IQCM: variants seen among roughly 807,000 people sequenced by gnomAD.
The protein encoded by IQCM is IQ motif containing M, also known as IQ domain-containing protein M.
IQCM carries 45 observed loss-of-function variants against 57.6 expected under a neutral mutation model. That is an observed-to-expected ratio of 0.78 (90% CI 0.62 to 1.00). IQCM has a LOEUF of 1.00. IQCM is among the 50% of genes least tolerant of loss of function. The pLI, the probability that IQCM is intolerant of heterozygous loss-of-function variation, is 0.00. For synonymous variants in IQCM, 148 were observed against 158.9 expected (o/e 0.93, Z 0.51); for missense variants, 468 against 511.6 (o/e 0.91, Z 0.82).
chr4:149,462,765 G>T (rs1738442123), intron 12 of IQCM, among the ~76,000 whole-genome samples: 1 of 152,164 alleles, frequency 6.6e-6, no homozygotes, highest in African/African-American at 2.4e-5. Flanking sequence ...TCAGAGCTGG[G>T]TTTACACCAC....
intron 12 of IQCM, among the ~76,000 whole-genome samples, chr4:149,504,248 A>T (rs1404695553): frequency 7.2e-5 from 11 of 152,334 alleles, no homozygotes; most frequent in African/African-American, 2.6e-4. Flanking sequence ...ATTTAAAAAA[A>T]CTTAAAAATG....
intron 9 of IQCM, among the ~76,000 whole-genome samples, chr4:149,586,138 T>C (rs970373123): frequency 9.9e-5 from 15 of 151,686 alleles, no homozygotes; most frequent in African/African-American, 3.6e-4. Context: ...GTAAAGAATA[T>C]TTCTAGGAAA....
At chr4:149,619,158 T>C (rs933661139) in intron 8 of IQCM, among the ~76,000 whole-genome samples, 4 of 145,300 alleles carry the variant, frequency 2.8e-5, no homozygotes, top group South Asian at 2.1e-4. Flanking sequence ...CTCAGTCATA[T>C]AAAAGAATGA....
intron 13 of IQCM, among the ~76,000 whole-genome samples, chr4:149,396,568 T>C (rs1732244161): frequency 6.6e-6 from 1 of 152,012 alleles, no homozygotes; most frequent in Non-Finnish European, 1.5e-5. Flanking sequence ...AAAAAATTAT[T>C]GGAAGAACAT....
intron 5 of IQCM, among the ~76,000 whole-genome samples, chr4:149,710,680 G>C (rs1344606831): frequency 6.6e-6 from 1 of 152,088 alleles, no homozygotes; most frequent in African/African-American, 2.4e-5. Context: ...TAAAATATCT[G>C]TATAACACTA....
chr4:149,682,158 T>TA lies in IQCM; in HGVS notation c.524dup (p.Leu175PhefsTer7). The TA allele has an allele frequency of 8.2e-7, 1 of 1,226,192 alleles. No individual in the cohort carries two copies. The highest frequency in any genetic ancestry group is 1.0e-6 in the Non-Finnish European group (1 of 983,064). 76.0% of individuals were successfully genotyped at this position (1,226,192 alleles called of 1,614,324 possible). A position where few individuals can be genotyped will look rare whatever the true frequency, so the allele number is the denominator to read the frequency against. ...GTTCCAAGTTAGAGGTCCCAGGTTG[T>TA]AAGTAAAGATGGACAGGAAAGGGAT... On this transcript the variant is annotated frameshift_variant, in exon 7 of 14. Coordinates refer to ENST00000636793, the MANE Select transcript of IQCM (RefSeq NM_001363507.2). LOFTEE classifies it high-confidence loss of function.
chr4:149,514,009 G>A (rs1223494576), intron 12 of IQCM, among the ~76,000 whole-genome samples: 2 of 151,912 alleles, frequency 1.3e-5, no homozygotes, highest in Non-Finnish European at 2.9e-5. Flanking sequence ...CATTTTCTAT[G>A]TTATGTTTGT....
At chr4:149,545,561 G>A (rs1334107900) in intron 12 of IQCM, among the ~76,000 whole-genome samples, 2 of 152,096 alleles carry the variant, frequency 1.3e-5, no homozygotes, top group Non-Finnish European at 2.9e-5. Context: ...AAGAGGTGGA[G>A]AAAATGGAAT....
intron 13 of IQCM, among the ~76,000 whole-genome samples, chr4:149,428,802 A>C (rs1459629286): frequency 6.6e-6 from 1 of 151,828 alleles, no homozygotes; most frequent in African/African-American, 2.4e-5. Context: ...AGGCCAAGAA[A>C]TCAGGTTCTA....
intron 7 of IQCM, among the ~76,000 whole-genome samples, chr4:149,622,899 T>C (rs747381344): frequency 6.6e-6 from 1 of 152,176 alleles, no homozygotes; most frequent in African/African-American, 2.4e-5. Flanking sequence ...CTTTCCAATC[T>C]CATTTTGAAT....
intron 12 of IQCM, among the ~76,000 whole-genome samples, chr4:149,484,717 A>G (rs151327340): frequency 1.5e-4 from 23 of 152,088 alleles, no homozygotes; most frequent in African/African-American, 5.3e-4. Context: ...TGGTATTTCT[A>G]CTTAAGACAA....
intron 9 of IQCM, among the ~76,000 whole-genome samples, chr4:149,568,939 A>G (rs956006996): frequency 6.6e-5 from 10 of 152,194 alleles, no homozygotes; most frequent in Admixed American, 1.3e-4. Context: ...CTACTCTAGG[A>G]CTATGAGCTG....
At chr4:149,364,643 C>A (rs1729711683) in intron 13 of IQCM, among the ~76,000 whole-genome samples, 1 of 151,718 alleles carries the variant, frequency 6.6e-6, no homozygotes. Context: ...TAAATGGGTA[C>A]CCAGTCACAG....
chr4:149,520,822 A>G (rs1283655246), intron 12 of IQCM, among the ~76,000 whole-genome samples: 2 of 152,064 alleles, frequency 1.3e-5, no homozygotes, highest in Non-Finnish European at 2.9e-5. Context: ...CTGTAGACAA[A>G]ATGCTTTCTA....
At chr4:149,790,873 C>T (rs983528192) in intron 2 of IQCM, among the ~76,000 whole-genome samples, 12 of 151,770 alleles carry the variant, frequency 7.9e-5, no homozygotes, top group Admixed American at 5.3e-4. Flanking sequence ...GTCTTTTTAA[C>T]AAATGTTTAC....
intron 2 of IQCM, among the ~76,000 whole-genome samples, chr4:149,789,481 A>C (rs1554041768): frequency 6.6e-6 from 1 of 152,128 alleles, no homozygotes; most frequent in Non-Finnish European, 1.5e-5. Context: ...TTAGCTTTTA[A>C]ATTTATCATC....
chr4:149,374,856 GC>G (rs1435198015), intron 13 of IQCM, among the ~76,000 whole-genome samples: 2 of 151,976 alleles, frequency 1.3e-5, no homozygotes, highest in African/African-American at 4.8e-5. Context: ...GAGTTTAGGT[GC>G]TTTTACCTGA....
At chr4:149,744,503 T>C (rs1482080629) in intron 2 of IQCM, among the ~76,000 whole-genome samples, 1 of 152,100 alleles carries the variant, frequency 6.6e-6, no homozygotes, top group Non-Finnish European at 1.5e-5. Context: ...CTGCATTAAA[T>C]TGGCTGGAAA....
intron 12 of IQCM, among the ~76,000 whole-genome samples, chr4:149,534,882 T>C (rs938201775): frequency 6.6e-6 from 1 of 152,094 alleles, no homozygotes; most frequent in African/African-American, 2.4e-5. Flanking sequence ...GCATAAACAA[T>C]TGGCTTACGT....
Sources: gnomAD v4.1 joint callset for allele counts (sites outside exome capture counted in the v4.1 genomes callset) on GRCh38, gnomAD v4.1.1 for gene constraint, MANE v1.5 for transcripts, NCBI Gene and HGNC (gene_info 2026-07-23, HGNC 2026-07-21) for gene names.